PCDHA9: variants seen among roughly 807,000 people sequenced by gnomAD.
The protein encoded by PCDHA9 is protocadherin alpha-9.
Under a neutral mutation model 62.0 loss-of-function variants are expected in PCDHA9, and 62 were observed. The observed-to-expected ratio is 1.00, with a 90% CI of 0.81 to 1.23. PCDHA9 has a LOEUF of 1.23. Ranked by LOEUF, PCDHA9 falls within the 50% of genes most tolerant of loss-of-function variation. The probability of loss-of-function intolerance (pLI) is 0.00; values close to 1 mark genes in which losing one functional copy is unlikely to be tolerated. For synonymous variants in PCDHA9, 557 were observed against 567.6 expected, an observed-to-expected ratio of 0.98 and a Z score of 0.27; for missense variants, 1,205 against 1,249.8, an observed-to-expected ratio of 0.96 and a Z score of 0.54.
chr5:140,898,389 G>A (rs1402524208), intron 1 of PCDHA9, among the ~76,000 whole-genome samples: 3 of 152,190 alleles, frequency 2.0e-5, no homozygotes, highest in Non-Finnish European at 4.4e-5. Flanking sequence ...AAGGGATCCA[G>A]TTTCAGCTTT....
At chr5:140,876,086 C>G (rs371336139) in intron 1 of PCDHA9, 7 of 1,613,778 alleles carry the variant, frequency 4.3e-6, no homozygotes, top group Non-Finnish European at 1.7e-6. Flanking sequence ...AGAGAGCAAA[C>G]GCCAAAACTC....
At chr5:140,923,752 G>A (rs1004241488) in intron 1 of PCDHA9, among the ~76,000 whole-genome samples, 1 of 152,186 alleles carries the variant, frequency 6.6e-6, no homozygotes, top group Non-Finnish European at 1.5e-5. Context: ...GAGGCATATG[G>A]TGGGACAAAT....
chr5:140,954,360 A>G (rs1203050549), intron 1 of PCDHA9, among the ~76,000 whole-genome samples: 2 of 152,212 alleles, frequency 1.3e-5, no homozygotes, highest in African/African-American at 4.8e-5. Flanking sequence ...GAATCGCCAC[A>G]CAGTCTCCCA....
intron 1 of PCDHA9, chr5:140,856,941 C>G: frequency 6.3e-7 from 1 of 1,592,588 alleles, no homozygotes; most frequent in Non-Finnish European, 8.6e-7. Context: ...AACGAAAGGA[C>G]GGGAGAAATA....
chr5:140,928,293 G>GT (rs2085123670), intron 1 of PCDHA9: 1 of 1,614,032 alleles, frequency 6.2e-7, no homozygotes, highest in South Asian at 1.1e-5. Context: ...TAGGCCGAGT[G>GT]TTTGCCCAGG....
At chr5:140,966,645 C>A in intron 1 of PCDHA9, 1 of 1,125,650 alleles carries the variant, frequency 8.9e-7, no homozygotes, top group African/African-American at 1.7e-5. Context: ...CTTTCTAGAG[C>A]GTGAGCGGTG....
chr5:140,998,158 T>C (rs1306702034), intron 3 of PCDHA9, among the ~76,000 whole-genome samples: 1 of 152,232 alleles, frequency 6.6e-6, no homozygotes, highest in Non-Finnish European at 1.5e-5. Context: ...AGTTAAGCCA[T>C]GTGCCAAGTA....
chr5:140,905,043 A>G (rs782694794), intron 1 of PCDHA9, among the ~76,000 whole-genome samples: 1 of 152,244 alleles, frequency 6.6e-6, no homozygotes, highest in East Asian at 1.9e-4. Flanking sequence ...TAGTTTAATT[A>G]GGTCCCATTT....
At chr5:140,998,591 T>A (rs2097823979) in intron 3 of PCDHA9, among the ~76,000 whole-genome samples, 1 of 150,884 alleles carries the variant, frequency 6.6e-6, no homozygotes, top group Non-Finnish European at 1.5e-5. Context: ...TGAGACAGAG[T>A]TTTGCTCTTG....
intron 2 of PCDHA9, chr5:140,982,271 G>A: frequency 1.1e-6 from 1 of 930,566 alleles, no homozygotes; most frequent in South Asian, 1.9e-5. Flanking sequence ...TCCTGGAATA[G>A]TATAGCAGGC....
At chr5:140,856,020 G>T in intron 1 of PCDHA9, 4 of 1,553,378 alleles carry the variant, frequency 2.6e-6, no homozygotes, top group South Asian at 1.2e-5. Context: ...CCGCTGATTC[G>T]TCGATTTGTA....
chr5:140,900,651 A>G (rs1386674800), intron 1 of PCDHA9, among the ~76,000 whole-genome samples: 3 of 152,232 alleles, frequency 2.0e-5, no homozygotes, highest in African/African-American at 7.2e-5. Flanking sequence ...ACACTGCTGC[A>G]ATGAACAATG....
At chr5:140,967,680 G>A in intron 1 of PCDHA9, 4 of 1,614,228 alleles carry the variant, frequency 2.5e-6, no homozygotes, top group South Asian at 1.1e-5. Context: ...GACCGGGAGA[G>A]GCAGCTCTTC....
intron 1 of PCDHA9, chr5:140,882,644 A>G (rs368491324): frequency 1.9e-6 from 3 of 1,614,138 alleles, no homozygotes; most frequent in Admixed American, 1.7e-5. Flanking sequence ...GGTGAGGGAC[A>G]TTAACGACAA....
chr5:140,929,566 C>A, intron 1 of PCDHA9: 2 of 459,566 alleles, frequency 4.4e-6, no homozygotes, highest in Admixed American at 4.2e-5. Flanking sequence ...TATTTAAGAA[C>A]AATAAAAGTA....
intron 1 of PCDHA9, among the ~76,000 whole-genome samples, chr5:140,934,142 T>C (rs1359446492): frequency 1.3e-5 from 2 of 152,170 alleles, no homozygotes; most frequent in African/African-American, 4.8e-5. Context: ...TTTCCTTCCT[T>C]ATATGTTTAT....
intron 1 of PCDHA9, among the ~76,000 whole-genome samples, chr5:140,961,237 G>A (rs1170465013): frequency 1.3e-5 from 2 of 152,136 alleles, no homozygotes; most frequent in African/African-American, 4.8e-5. Context: ...AAAAGGTGAT[G>A]GAATTTATCC....
intron 3 of PCDHA9, among the ~76,000 whole-genome samples, chr5:140,982,904 T>G (rs1353983952): frequency 1.3e-5 from 2 of 151,900 alleles, no homozygotes; most frequent in African/African-American, 4.8e-5. Context: ...GGTGGCCTTA[T>G]GCACAGAGAT....
At chr5:140,908,452 T>A (rs2073982140) in intron 1 of PCDHA9, among the ~76,000 whole-genome samples, 1 of 152,196 alleles carries the variant, frequency 6.6e-6, no homozygotes, top group African/African-American at 2.4e-5. Context: ...TATGGCTAGA[T>A]GGATCAGAAA....
Sources: allele counts gnomAD v4.1 joint callset (sites outside exome capture counted in the v4.1 genomes callset), GRCh38; gene constraint gnomAD v4.1.1; transcripts MANE v1.5; gene names NCBI Gene and HGNC (gene_info 2026-07-23, HGNC 2026-07-21).